The following NBAS variants were observed in gnomAD, a reference collection of about 807,000 sequenced individuals.
NBAS encodes NAG/BC035112 fusion.
A neutral mutation model predicts 302.5 loss-of-function variants in NBAS; 219 were observed. That is an observed-to-expected ratio of 0.72 (90% CI 0.65 to 0.81). NBAS has a LOEUF of 0.81. Among genes scored for constraint, NBAS ranks in the 30% least tolerant of loss-of-function variants. NBAS has a pLI of 0.00. For missense variants in NBAS, 2,932 were observed against 2,841.6 expected (o/e 1.03, Z -0.72); for synonymous variants, 1,118 against 1,021.6 (o/e 1.09, Z -1.80).
At chr2:15,370,180 T>C (rs1198958052) in intron 31 of NBAS, among the ~76,000 whole-genome samples, 3 of 152,192 alleles carry the variant, frequency 2.0e-5, no homozygotes, top group African/African-American at 7.2e-5. Flanking sequence ...TAGGTTTGAA[T>C]CCTGGCTCCA....
chr2:14,944,993 A>C, the NBAS span, among the ~76,000 whole-genome samples: 1 of 152,218 alleles, frequency 6.6e-6, no homozygotes, highest in African/African-American at 2.4e-5. Flanking sequence ...GTGACAGGCA[A>C]AGACAAAGTG....
the NBAS span, among the ~76,000 whole-genome samples, chr2:14,930,430 C>T: frequency 6.6e-6 from 1 of 152,182 alleles, no homozygotes; most frequent in African/African-American, 2.4e-5. Flanking sequence ...TTTAATACCT[C>T]AAAATCATAC....
chr2:14,931,918 T>C, the NBAS span, among the ~76,000 whole-genome samples: 22 of 152,234 alleles, frequency 1.4e-4, no homozygotes, highest in Non-Finnish European at 1.9e-4. Flanking sequence ...TTTTACTGGA[T>C]AGTATTTTTA....
At chr2:15,195,380 ACTGT>A (rs1188812899) in intron 48 of NBAS, among the ~76,000 whole-genome samples, 1 of 152,156 alleles carries the variant, frequency 6.6e-6, no homozygotes, top group Admixed American at 6.5e-5. Context: ...TTATATACAT[ACTGT>A]CTGATTCCAT....
At chr2:15,083,561 C>A in the NBAS span, among the ~76,000 whole-genome samples, 3 of 152,158 alleles carry the variant, frequency 2.0e-5, no homozygotes, top group African/African-American at 7.2e-5. Flanking sequence ...CATTTTTATT[C>A]CATCTCAGAA....
chr2:14,953,546 G>A, the NBAS span, among the ~76,000 whole-genome samples: 1 of 152,174 alleles, frequency 6.6e-6, no homozygotes. Context: ...TGGAGTGGTG[G>A]ATGTGGGTAT....
the NBAS span, among the ~76,000 whole-genome samples, chr2:14,792,010 A>G: frequency 6.6e-6 from 1 of 151,912 alleles, no homozygotes; most frequent in East Asian, 1.9e-4. Flanking sequence ...GGACATCAAT[A>G]GGGGGAACCT....
chr2:15,356,449 G>A (rs779505250), intron 32 of NBAS, 33 bp from the exon 33 acceptor site: 3 of 1,423,978 alleles, frequency 2.1e-6, no homozygotes, highest in South Asian at 2.3e-5. Flanking sequence ...TAATGATTAT[G>A]ACAAGCAACG....
the NBAS span, among the ~76,000 whole-genome samples, chr2:15,062,737 C>T: frequency 6.6e-6 from 1 of 152,182 alleles, no homozygotes; most frequent in Admixed American, 6.5e-5. Context: ...TTACAAAGGA[C>T]ATCACACATG....
chr2:15,449,081 C>T (rs1273483316), intron 21 of NBAS, among the ~76,000 whole-genome samples: 4 of 152,028 alleles, frequency 2.6e-5, no homozygotes, highest in Admixed American at 2.6e-4. Flanking sequence ...CTAGTAATAG[C>T]ATCCTTCTTT....
the NBAS span, among the ~76,000 whole-genome samples, chr2:14,974,897 A>C: frequency 0.038 from 5,792 of 152,290 alleles, 286 homozygotes; most frequent in Admixed American, 0.095. Flanking sequence ...TTTAAAGCAG[A>C]GAACTTTCTC....
At chr2:15,560,880 A>T (rs945339717) in intron 1 of NBAS, among the ~76,000 whole-genome samples, 1 of 152,044 alleles carries the variant, frequency 6.6e-6, no homozygotes, top group East Asian at 1.9e-4. Context: ...CGACACTAAC[A>T]ATCCCCTCTC....
At chr2:15,321,935 G>A (rs899922086) in intron 38 of NBAS, among the ~76,000 whole-genome samples, 3 of 152,108 alleles carry the variant, frequency 2.0e-5, no homozygotes, top group Non-Finnish European at 2.9e-5. Flanking sequence ...AAAGACATAT[G>A]CACACGTATG....
chr2:15,533,833 A>T (rs1663350673), intron 9 of NBAS, among the ~76,000 whole-genome samples: 1 of 152,172 alleles, frequency 6.6e-6, no homozygotes, highest in Non-Finnish European at 1.5e-5. Flanking sequence ...AGACTTAAGT[A>T]TACTGAGATT....
intron 51 of NBAS, among the ~76,000 whole-genome samples, chr2:15,175,669 G>T (rs1222753050): frequency 6.6e-6 from 1 of 152,138 alleles, no homozygotes; most frequent in Non-Finnish European, 1.5e-5. Context: ...CAATCTCAAG[G>T]AAGGACTTTC....
chr2:15,219,316 C>CTTTTTTTTTTTTTTAATTTTTTTT (rs1276567455), intron 47 of NBAS, among the ~76,000 whole-genome samples: 1 of 129,012 alleles, frequency 7.8e-6, no homozygotes, highest in Non-Finnish European at 1.6e-5. Flanking sequence ...TTTTTTTTTT[C>CTTTTTTTTTTTTTTAATTTTTTTT]TTTTCTTTTT....
chr2:15,458,897 A>C (rs1679376776), intron 21 of NBAS, among the ~76,000 whole-genome samples: 1 of 152,234 alleles, frequency 6.6e-6, no homozygotes, highest in African/African-American at 2.4e-5. Context: ...AGAACTCATA[A>C]GAAATCAGTC....
At chr2:15,149,652 A>AT in the NBAS span, among the ~76,000 whole-genome samples, 3 of 151,942 alleles carry the variant, frequency 2.0e-5, no homozygotes, top group East Asian at 5.8e-4. Context: ...TGCCTGGCTA[A>AT]TTTTTTGTAT....
chr2:15,194,606 G>C (rs1665528596), intron 48 of NBAS, among the ~76,000 whole-genome samples: 1 of 152,094 alleles, frequency 6.6e-6, no homozygotes, highest in South Asian at 2.1e-4. Flanking sequence ...TGAAGTATCA[G>C]AAGGAAGAAC....
Sources: allele counts gnomAD v4.1 joint callset (sites outside exome capture counted in the v4.1 genomes callset), GRCh38; gene constraint gnomAD v4.1.1; transcripts MANE v1.5; gene names NCBI Gene and HGNC (gene_info 2026-07-23, HGNC 2026-07-21).